SLC25A12: variants seen among roughly 807,000 people sequenced by gnomAD.
SLC25A12 encodes the protein electrogenic aspartate/glutamate antiporter SLC25A12, mitochondrial.
In SLC25A12, 32 loss-of-function variants were observed where a neutral mutation model predicts 83.3. The ratio of observed to expected loss-of-function variants is 0.38; its 90% confidence interval spans 0.29 to 0.52. SLC25A12 has a LOEUF of 0.52. SLC25A12 is among the 20% of genes least tolerant of loss of function. SLC25A12 has a pLI of 0.84. For missense variants in SLC25A12, 611 were observed against 835.6 expected, an observed-to-expected ratio of 0.73 and a Z score of 3.31; for synonymous variants, 267 against 291.1, an observed-to-expected ratio of 0.92 and a Z score of 0.84.
At chr2:171,793,565 G>C in intron 14 of SLC25A12, 62 bp downstream of exon 14, 1 of 1,527,418 alleles carries the variant, frequency 6.5e-7, no homozygotes, top group Admixed American at 1.7e-5. Context: ...TTGGAGGGAA[G>C]AAGTCTGGTT....
chr2:171,893,786 C>G (rs1270625211), intron 1 of SLC25A12, among the ~76,000 whole-genome samples: 1 of 152,182 alleles, frequency 6.6e-6, no homozygotes, highest in Non-Finnish European at 1.5e-5. Flanking sequence ...AACCACTGCC[C>G]TCGGCCTTAT....
intron 5 of SLC25A12, 41 bp downstream of exon 5, chr2:171,844,328 G>T (rs768152137): frequency 7.5e-6 from 12 of 1,594,414 alleles, no homozygotes; most frequent in Non-Finnish European, 6.9e-6. Flanking sequence ...GGACACAGAA[G>T]AATAGTATAT....
chr2:171,803,262 C>T (rs1683749289), intron 13 of SLC25A12, among the ~76,000 whole-genome samples: 1 of 151,946 alleles, frequency 6.6e-6, no homozygotes, highest in Admixed American at 6.6e-5. Flanking sequence ...AAAAGGCATA[C>T]ATCTTTCATG....
intron 13 of SLC25A12, among the ~76,000 whole-genome samples, chr2:171,795,244 C>T (rs975560402): frequency 6.6e-6 from 1 of 152,174 alleles, no homozygotes; most frequent in Non-Finnish European, 1.5e-5. Flanking sequence ...CTCAACTCGA[C>T]ACAATCCAGA....
intron 3 of SLC25A12, among the ~76,000 whole-genome samples, chr2:171,860,713 T>C (rs1685137313): frequency 6.6e-6 from 1 of 151,926 alleles, no homozygotes; most frequent in African/African-American, 2.4e-5. Context: ...CTGAAATGTA[T>C]TAAAAAAAAG....
rs977490854 is a variant in SLC25A12 at position 171,810,216 on chromosome 2, A to G, written c.1224+8T>C. ...AAATGACATAAATTCAGTTAGAGAT[A>G]AACTTACAGTCAGTTTAATGGCCTT... On this transcript the variant is annotated splice_region_variant and intron_variant, in intron 12 of 17. Coordinates refer to ENST00000422440, the MANE Select transcript of SLC25A12 (RefSeq NM_003705.5). The G allele has an allele frequency of 2.5e-6, 4 of 1,610,974 alleles. No individual in the cohort carries two copies. In the African/African-American group the frequency reaches 5.3e-5, roughly 22 times the overall value.
intron 10 of SLC25A12, among the ~76,000 whole-genome samples, chr2:171,814,026 T>C (rs2105863725): frequency 6.6e-6 from 1 of 152,278 alleles, no homozygotes; most frequent in East Asian, 1.9e-4. Context: ...GTATAGAATT[T>C]GGTTTAAAAG....
At chr2:171,815,610 T>C (rs995474767) in intron 9 of SLC25A12, among the ~76,000 whole-genome samples, 2 of 152,230 alleles carry the variant, frequency 1.3e-5, no homozygotes, top group Non-Finnish European at 2.9e-5. Flanking sequence ...TAAAAAGCTT[T>C]CTAAAGTGTA....
chr2:171,863,645 A>G (rs1300193110), intron 3 of SLC25A12, among the ~76,000 whole-genome samples: 2 of 152,250 alleles, frequency 1.3e-5, no homozygotes, highest in East Asian at 1.9e-4. Context: ...GCAGATGGTC[A>G]TAAAAGGAAA....
chr2:171,800,668 T>C (rs1683693148), intron 13 of SLC25A12, among the ~76,000 whole-genome samples: 1 of 152,226 alleles, frequency 6.6e-6, no homozygotes, highest in Non-Finnish European at 1.5e-5. Context: ...TGTACAAGAA[T>C]GTTTACAGCA....
intron 2 of SLC25A12, among the ~76,000 whole-genome samples, chr2:171,887,010 C>T (rs1464675859): frequency 6.6e-6 from 1 of 151,958 alleles, no homozygotes; most frequent in Non-Finnish European, 1.5e-5. Flanking sequence ...TGTGGTATAC[C>T]TTCCACACTT....
chr2:171,797,550 A>G (rs1683624763), intron 13 of SLC25A12, among the ~76,000 whole-genome samples: 3 of 152,162 alleles, frequency 2.0e-5, no homozygotes, highest in South Asian at 4.1e-4. Flanking sequence ...TTAACTACGC[A>G]ACAACAACAA....
chr2:171,790,988 C>T (rs1430637020), intron 15 of SLC25A12, among the ~76,000 whole-genome samples: 2 of 152,166 alleles, frequency 1.3e-5, no homozygotes, highest in East Asian at 3.8e-4. Flanking sequence ...AGAAGAGGGA[C>T]AGCTTCACGA....
intron 3 of SLC25A12, among the ~76,000 whole-genome samples, chr2:171,864,678 CCAA>C (rs1685246113): frequency 6.6e-6 from 1 of 152,184 alleles, no homozygotes; most frequent in Admixed American, 6.5e-5. Flanking sequence ...CCCTACTTAT[CCAA>C]CTACTAACAA....
intron 2 of SLC25A12, among the ~76,000 whole-genome samples, chr2:171,875,981 A>G (rs889027482): frequency 1.3e-5 from 2 of 151,908 alleles, no homozygotes; most frequent in African/African-American, 4.8e-5. Flanking sequence ...TTTTTAAAGT[A>G]TACTGTATAT....
At chr2:171,883,010 T>C (rs559149089) in intron 2 of SLC25A12, among the ~76,000 whole-genome samples, 6 of 152,286 alleles carry the variant, frequency 3.9e-5, no homozygotes, top group Middle Eastern at 6.8e-3. Context: ...TAGAACCTCA[T>C]AGACTTGAGA....
chr2:171,798,883 G>A (rs1302873809), intron 13 of SLC25A12, among the ~76,000 whole-genome samples: 2 of 152,156 alleles, frequency 1.3e-5, no homozygotes, highest in Non-Finnish European at 1.5e-5. Flanking sequence ...TGCATATGTT[G>A]GAACTAATAT....
At chr2:171,882,074 C>T (rs938215011) in intron 2 of SLC25A12, among the ~76,000 whole-genome samples, 4 of 152,192 alleles carry the variant, frequency 2.6e-5, no homozygotes, top group Admixed American at 1.3e-4. Context: ...GCAGTGTTGA[C>T]TTGGAGGCAC....
In SLC25A12 at chr2:171,786,579, G is replaced by A. The variant is rs540706992; in HGVS notation, c.1835+992C>T. On this transcript the variant is annotated intron_variant, in intron 17 of 17. Transcript: ENST00000422440. ...CTATATGGCCTTTGGGCACAGAGGA[G>A]TTCACAGGTTTCTGATGTGAGGACT... Among the ~76,000 whole-genome samples, 12 of 152,222 alleles carry A rather than the reference G, an allele frequency of 7.9e-5. No individual in the cohort carries two copies. In the South Asian group the frequency reaches 1.9e-3, roughly 24 times the overall value.
Sources: allele counts gnomAD v4.1 joint callset (sites outside exome capture counted in the v4.1 genomes callset), GRCh38; gene constraint gnomAD v4.1.1; transcripts MANE v1.5; gene names NCBI Gene and HGNC (gene_info 2026-07-23, HGNC 2026-07-21).